Variants in GRID2 observed in about 807,000 individuals in gnomAD.
GRID2 encodes the protein glutamate receptor ionotropic, delta-2.
GRID2 carries 33 observed loss-of-function variants against 114.8 expected under a neutral mutation model. That is an observed-to-expected ratio of 0.29 (90% confidence interval 0.22 to 0.38). GRID2 has a LOEUF of 0.38. Among genes scored for constraint, GRID2 ranks in the 10% least tolerant of loss-of-function variants. The pLI, the probability that GRID2 is intolerant of heterozygous loss-of-function variation, is 1.00. For missense variants in GRID2, 1,184 were observed against 1,257.7 expected (o/e 0.94, Z 0.89); for synonymous variants, 505 against 449.9 (o/e 1.12, Z -1.55).
At chr4:93,342,154 TA>T (rs1173335296) in intron 8 of GRID2, among the ~76,000 whole-genome samples, 2 of 152,182 alleles carry the variant, frequency 1.3e-5, no homozygotes, top group East Asian at 3.9e-4. Flanking sequence ...ATAGCAGTAA[TA>T]AAGTCCAACT....
At chr4:93,407,155 G>A (rs751327142) in intron 9 of GRID2, among the ~76,000 whole-genome samples, 1 of 152,110 alleles carries the variant, frequency 6.6e-6, no homozygotes, top group Non-Finnish European at 1.5e-5. Context: ...ACAGTAAGAG[G>A]TTTTGACCAA....
intron 14 of GRID2, among the ~76,000 whole-genome samples, chr4:93,752,377 T>TTTAC (rs1229678271): frequency 6.6e-6 from 1 of 151,808 alleles, no homozygotes; most frequent in African/African-American, 2.4e-5. Context: ...TATTTATTTA[T>TTTAC]TTATTTATTT....
At chr4:93,244,858 A>G (rs1448551930) in intron 8 of GRID2, among the ~76,000 whole-genome samples, 2 of 151,488 alleles carry the variant, frequency 1.3e-5, no homozygotes, top group East Asian at 3.9e-4. Flanking sequence ...ATCTTTTGGT[A>G]TTACCCTGTT....
intron 4 of GRID2, among the ~76,000 whole-genome samples, chr4:93,173,025 G>T (rs1739000422): frequency 6.6e-6 from 1 of 150,878 alleles, no homozygotes; most frequent in African/African-American, 2.4e-5. Flanking sequence ...TTATTTTTCT[G>T]TTCTTAACAA....
chr4:92,323,456 A>G (rs1004249704), intron 1 of GRID2, among the ~76,000 whole-genome samples: 2 of 151,966 alleles, frequency 1.3e-5, no homozygotes, highest in Non-Finnish European at 2.9e-5. Flanking sequence ...ATTCTCCTAA[A>G]AGTTTTTTTT....
intron 1 of GRID2, among the ~76,000 whole-genome samples, chr4:92,566,089 G>T (rs1344806908): frequency 2.0e-5 from 3 of 152,008 alleles, no homozygotes; most frequent in East Asian, 1.9e-4. Flanking sequence ...AGGCCTAAGA[G>T]GTTTCAATAA....
In GRID2 at chr4:93,360,210, G is replaced by A. The variant is rs959153772; in HGVS notation, c.1246-35397G>A. Among the ~76,000 whole-genome samples, 6 of 151,736 alleles carry A rather than the reference G, an allele frequency of 4.0e-5. 1 individual carries two copies. Among genetic ancestry groups the A allele is most frequent in the Admixed American group, 1.3e-4 (2 of 15,220 alleles). On this transcript the variant is annotated intron_variant, in intron 8 of 15. Transcript: ENST00000282020. ...TTTTACCAATGTTTTAAAAGAATCC[G>A]TTCTTGGATTTATTTATATTAGTGT... is the stretch of plus-strand genomic sequence containing the variant.
At chr4:92,734,686 T>C (rs180978745) in intron 2 of GRID2, among the ~76,000 whole-genome samples, 1 of 152,198 alleles carries the variant, frequency 6.6e-6, no homozygotes, top group Admixed American at 6.6e-5. Context: ...ATTTAGAACA[T>C]TTTTTCTCTT....
chr4:92,473,964 TTGTGTGTGTGTGTGTG>T (rs59328379), intron 1 of GRID2, among the ~76,000 whole-genome samples: 17 of 144,438 alleles, frequency 1.2e-4, no homozygotes, highest in East Asian at 8.2e-4. Flanking sequence ...GTTATCTTGG[TTGTGTGTGTGTGTGTG>T]TGTGTGTGTG....
At chr4:92,508,043 A>G (rs765254643) in intron 1 of GRID2, among the ~76,000 whole-genome samples, 1 of 152,086 alleles carries the variant, frequency 6.6e-6, no homozygotes, top group East Asian at 1.9e-4. Context: ...TTATTTTAGT[A>G]GCACTTTTTG....
chr4:93,136,984 C>G (rs970805512), intron 4 of GRID2, among the ~76,000 whole-genome samples: 1 of 152,046 alleles, frequency 6.6e-6, no homozygotes, highest in South Asian at 2.1e-4. Context: ...AGTTTATAAT[C>G]TAAAGTTGTT....
intron 2 of GRID2, among the ~76,000 whole-genome samples, chr4:92,655,694 A>C (rs1369129379): frequency 6.6e-6 from 1 of 151,690 alleles, no homozygotes; most frequent in Non-Finnish European, 1.5e-5. Flanking sequence ...TGATGGCTAG[A>C]AATATTACTG....
chr4:93,566,346 A>C (rs2149572492), intron 13 of GRID2, among the ~76,000 whole-genome samples: 1 of 152,282 alleles, frequency 6.6e-6, no homozygotes, highest in Middle Eastern at 3.4e-3. Context: ...ACAAATGAGT[A>C]GTTGCCAAGA....
At chr4:92,725,153 T>C (rs559325906) in intron 2 of GRID2, among the ~76,000 whole-genome samples, 2 of 152,148 alleles carry the variant, frequency 1.3e-5, no homozygotes, top group African/African-American at 4.8e-5. Flanking sequence ...ATATGAAAAT[T>C]AGCCCAGTGT....
At chr4:93,797,066 A>C (rs1734818786) in intron 1 of GRID2, among the ~76,000 whole-genome samples, 2 of 152,218 alleles carry the variant, frequency 1.3e-5, no homozygotes, top group African/African-American at 4.8e-5. Context: ...ACCCTACAGC[A>C]TGTTACTGAT....
chr4:93,324,121 G>C (rs1579678924), intron 8 of GRID2, among the ~76,000 whole-genome samples: 1 of 152,234 alleles, frequency 6.6e-6, no homozygotes, highest in East Asian at 1.9e-4. Context: ...TCCCTGTCTT[G>C]TGCCAGTTTT....
chr4:92,841,311 C>A (rs1159753458), intron 2 of GRID2, among the ~76,000 whole-genome samples: 1 of 151,906 alleles, frequency 6.6e-6, no homozygotes, highest in Non-Finnish European at 1.5e-5. Flanking sequence ...TATATTTTTT[C>A]AACAAGTACC....
At chr4:93,484,695 T>C (rs1453834092) in intron 11 of GRID2, among the ~76,000 whole-genome samples, 4 of 151,912 alleles carry the variant, frequency 2.6e-5, no homozygotes, top group Non-Finnish European at 5.9e-5. Flanking sequence ...GTTTGAACAG[T>C]TGGTCACCTA....
intron 8 of GRID2, among the ~76,000 whole-genome samples, chr4:93,308,010 C>A (rs1295062786): frequency 6.6e-6 from 1 of 151,886 alleles, no homozygotes; most frequent in Non-Finnish European, 1.5e-5. Context: ...AAGTAGATAT[C>A]AATTCAACAT....
Sources: gnomAD v4.1 joint callset for allele counts (sites outside exome capture counted in the v4.1 genomes callset) on GRCh38, gnomAD v4.1.1 for gene constraint, MANE v1.5 for transcripts, NCBI Gene and HGNC (gene_info 2026-07-23, HGNC 2026-07-21) for gene names.